The following CNTLN variants were observed in gnomAD, a reference collection of about 807,000 sequenced individuals.
CNTLN encodes centlein, centrosomal protein.
In CNTLN, 212 loss-of-function variants were observed where a neutral mutation model predicts 180.0. That is an observed-to-expected ratio of 1.18 (90% CI 1.05 to 1.32). The LOEUF (loss-of-function observed/expected upper bound fraction) is 1.32, where lower values mean the gene tolerates loss of function less well. Among genes scored for constraint, CNTLN ranks in the 40% most tolerant of loss-of-function variants. The probability of loss-of-function intolerance (pLI) is 0.00; values close to 1 mark genes in which losing one functional copy is unlikely to be tolerated. For missense variants in CNTLN, 2,095 were observed against 1,610.9 expected (o/e 1.30, Z -5.14); for synonymous variants, 722 against 563.1 (o/e 1.28, Z -3.99).
Position 17,502,066 on chromosome 9 carries a change from A to G in CNTLN, c.4120-485A>G, listed in dbSNP as rs1181866526. On this transcript the variant is annotated intron_variant, in intron 25 of 25. Coordinates refer to ENST00000380647, the MANE Select transcript of CNTLN (RefSeq NM_017738.4). ...TTCTATAACAACTTAATCAATGGGT[A>G]TACTTTTGCGATTTTTTCCTCTGAA... 2.0e-5 allele frequency among the ~76,000 whole-genome samples: 3 copies of G among 151,404 alleles called. No individual in the cohort carries two copies. In the East Asian group the frequency reaches 5.8e-4, roughly 29 times the overall value.
intron 5 of CNTLN, among the ~76,000 whole-genome samples, chr9:17,267,029 C>T (rs1300793496): frequency 6.6e-6 from 1 of 152,058 alleles, no homozygotes; most frequent in Non-Finnish European, 1.5e-5. Context: ...GAGCATGTTG[C>T]CCATTTACAT....
intron 2 of CNTLN, among the ~76,000 whole-genome samples, chr9:17,172,165 G>C (rs1820462162): frequency 6.6e-6 from 1 of 152,060 alleles, no homozygotes; most frequent in African/African-American, 2.4e-5. Flanking sequence ...AGTGGTGAAA[G>C]CTGCTGGTGT....
chr9:17,406,975 A>G (rs561995575), intron 15 of CNTLN, among the ~76,000 whole-genome samples: 2 of 148,656 alleles, frequency 1.3e-5, no homozygotes, highest in South Asian at 2.1e-4. Context: ...TGGCCATTAC[A>G]TATTGAATTT....
chr9:17,303,244 T>C (rs994297875), intron 7 of CNTLN, among the ~76,000 whole-genome samples: 2 of 152,214 alleles, frequency 1.3e-5, no homozygotes, highest in African/African-American at 2.4e-5. Flanking sequence ...TGAGGTCTTA[T>C]CCCTAAAAGC....
intron 6 of CNTLN, among the ~76,000 whole-genome samples, chr9:17,289,565 G>T (rs553233219): frequency 2.2e-5 from 3 of 135,706 alleles, no homozygotes; most frequent in African/African-American, 9.3e-5. Context: ...TGCCTTGCTA[G>T]ATTGGGGAAG....
chr9:17,418,195 G>C (rs1351662475), intron 18 of CNTLN, among the ~76,000 whole-genome samples: 1 of 151,924 alleles, frequency 6.6e-6, no homozygotes, highest in Non-Finnish European at 1.5e-5. Flanking sequence ...CTTTAGGAAA[G>C]AGTAAGAATC....
chr9:17,141,032 G>A (rs1051122071), intron 1 of CNTLN, among the ~76,000 whole-genome samples: 1 of 152,124 alleles, frequency 6.6e-6, no homozygotes, highest in East Asian at 1.9e-4. Context: ...AACAGACTGG[G>A]AAGAATATTT....
chr9:17,525,207 C>T, the CNTLN span, among the ~76,000 whole-genome samples: 1 of 151,916 alleles, frequency 6.6e-6, no homozygotes, highest in Admixed American at 6.6e-5. Flanking sequence ...GATTAATATG[C>T]GTGACTATTG....
At chr9:17,136,300 A>G (rs2131384276) in intron 1 of CNTLN, among the ~76,000 whole-genome samples, 1 of 152,328 alleles carries the variant, frequency 6.6e-6, no homozygotes, top group South Asian at 2.1e-4. Context: ...GGAGCTGCTG[A>G]ACATCAAAGT....
At chr9:17,333,430 T>G (rs1820777086) in intron 10 of CNTLN, among the ~76,000 whole-genome samples, 1 of 152,112 alleles carries the variant, frequency 6.6e-6, no homozygotes, top group Admixed American at 6.5e-5. Context: ...GTGCCCTATT[T>G]GAAGTTTAAT....
In CNTLN at chr9:17,394,992, C is replaced by T. The variant is rs753929263; in HGVS notation, c.2538C>T (p.Leu846=). The change falls in exon 15 of 26, where the codon CTC becomes CTT. Residue 846 remains leucine (L), a synonymous_variant. Transcript: ENST00000380647. ...CTGTGGGTCGTCACCACACTGTTCTCAATCATTCCATCAAGGTTATGAGCA... is the reference window on the plus strand; with the variant it reads ...CTGTGGGTCGTCACCACACTGTTCTTAATCATTCCATCAAGGTTATGAGCA... ...NCSVGRHHTV[L]NHSIKVMSNV... The T allele has an allele frequency of 1.7e-5, 28 of 1,613,582 alleles. No individual in the cohort carries two copies. Among genetic ancestry groups the T allele is most frequent in the Admixed American group, 1.3e-4 (8 of 59,970 alleles).
intron 4 of CNTLN, 87 bp downstream of exon 4, chr9:17,235,879 C>G (rs1169421430): frequency 7.0e-7 from 1 of 1,436,038 alleles, no homozygotes; most frequent in East Asian, 2.4e-5. Flanking sequence ...CAGAAAGTGA[C>G]AGATTTGGAG....
chr9:17,298,709 C>G, intron 7 of CNTLN: 1 of 995,286 alleles, frequency 1.0e-6, no homozygotes, highest in Non-Finnish European at 1.2e-6. Flanking sequence ...TCAAGTATGG[C>G]AGACTTTCAT....
At chr9:17,338,260 G>A (rs1188519889) in intron 10 of CNTLN, among the ~76,000 whole-genome samples, 1 of 149,018 alleles carries the variant, frequency 6.7e-6, no homozygotes, top group Non-Finnish European at 1.5e-5. Context: ...TGCCTCCTGG[G>A]TTCAAGCGAT....
At chr9:17,237,867 A>C (rs1177303484) in intron 5 of CNTLN, among the ~76,000 whole-genome samples, 1 of 152,128 alleles carries the variant, frequency 6.6e-6, no homozygotes, top group Admixed American at 6.5e-5. Flanking sequence ...ATTAGTGCAC[A>C]ATCATGGGGT....
chr9:17,482,723 AT>A (rs1375532250), intron 23 of CNTLN, among the ~76,000 whole-genome samples: 1 of 152,182 alleles, frequency 6.6e-6, no homozygotes, highest in Non-Finnish European at 1.5e-5. Context: ...ATTAGTTAAA[AT>A]ATACTCAAAT....
intron 23 of CNTLN, among the ~76,000 whole-genome samples, chr9:17,483,677 A>G (rs918683652): frequency 2.6e-5 from 4 of 152,194 alleles, no homozygotes; most frequent in Admixed American, 2.6e-4. Context: ...TGATTTCTCA[A>G]AGAGGCAACT....
At chr9:17,338,867 C>G (rs929303285) in intron 10 of CNTLN, among the ~76,000 whole-genome samples, 5 of 152,152 alleles carry the variant, frequency 3.3e-5, no homozygotes, top group Non-Finnish European at 7.4e-5. Context: ...CTTTGAGCAG[C>G]TAGATTTGAA....
chr9:17,352,416 ATTT>A (rs869286111), intron 12 of CNTLN, among the ~76,000 whole-genome samples: 21 of 31,304 alleles, frequency 6.7e-4, no homozygotes, highest in South Asian at 1.7e-3. Context: ...ATATATATAT[ATTT>A]TTTTTTTTTT....
Sources: allele counts gnomAD v4.1 joint callset (sites outside exome capture counted in the v4.1 genomes callset), GRCh38; gene constraint gnomAD v4.1.1; transcripts MANE v1.5; gene names NCBI Gene and HGNC (gene_info 2026-07-23, HGNC 2026-07-21).